Variants in PHAF1 observed in about 807,000 individuals in gnomAD.
PHAF1 encodes phagosome assembly factor 1.
A neutral mutation model predicts 63.1 loss-of-function variants in PHAF1; 23 were observed. That is an observed-to-expected ratio of 0.36 (90% confidence interval 0.26 to 0.52). PHAF1 has a LOEUF of 0.52. Ranked by LOEUF, PHAF1 falls within the 20% of genes least tolerant of loss-of-function variation. The pLI is 0.93. For missense variants in PHAF1, 427 were observed against 517.2 expected (o/e 0.83, Z 1.69); for synonymous variants, 167 against 185.0 (o/e 0.90, Z 0.79).
At chr16:67,132,729 C>A in intron 5 of PHAF1, 88 bp from the exon 6 acceptor site, 2 of 1,272,838 alleles carry the variant, frequency 1.6e-6, no homozygotes, top group Non-Finnish European at 2.3e-6. Context: ...AAGGTGTTGT[C>A]AGTCATTACT....
chr16:67,141,728 C>T (rs536956777), intron 10 of PHAF1, among the ~76,000 whole-genome samples: 5 of 152,338 alleles, frequency 3.3e-5, no homozygotes, highest in South Asian at 2.1e-4. Context: ...GTACCGCAAG[C>T]GGCTTCCATT....
chr16:67,128,040 GTA>G (rs1376384918), intron 3 of PHAF1, among the ~76,000 whole-genome samples: 30 of 152,268 alleles, frequency 2.0e-4, no homozygotes. Context: ...TGAGTGCTTA[GTA>G]TATGCTAGGC....
chr16:67,132,688 T>G, intron 5 of PHAF1, 129 bp from the exon 6 acceptor site: 1 of 1,185,026 alleles, frequency 8.4e-7, no homozygotes, highest in Non-Finnish European at 1.3e-6. Flanking sequence ...GTTTTCAACC[T>G]AGTAGGCCAG....
intron 10 of PHAF1, 50 bp downstream of exon 10, chr16:67,140,644 G>A: frequency 7.5e-7 from 1 of 1,342,208 alleles, no homozygotes; most frequent in Admixed American, 1.7e-5. Flanking sequence ...GGGGTGGGCA[G>A]TGCATCTTTG....
At chr16:67,142,826 C>G (rs142966036) in intron 10 of PHAF1, among the ~76,000 whole-genome samples, 1 of 152,216 alleles carries the variant, frequency 6.6e-6, no homozygotes, top group Admixed American at 6.5e-5. Context: ...TTCCCATAGG[C>G]TCTGCATAGT....
intron 2 of PHAF1, among the ~76,000 whole-genome samples, chr16:67,122,570 CAAAAAAAAAAAA>C (rs912852837): frequency 3.6e-5 from 3 of 84,296 alleles, no homozygotes; most frequent in South Asian, 7.9e-4. Flanking sequence ...GACCCTGTCT[CAAAAAAAAAAAA>C]AAAAAAAATG....
chr16:67,134,114 C>A, intron 6 of PHAF1, 54 bp from the exon 7 acceptor site: 1 of 1,444,230 alleles, frequency 6.9e-7, no homozygotes. Context: ...AGACCAGAGC[C>A]TGAGTCCCAT....
chr16:67,134,396 A>C lies in PHAF1; in HGVS notation c.590A>C (p.Tyr197Ser). ...CTGAGCTGTTTCCTGGGCAATGTCT[A>C]TGCTGAGAGTGTAGATGTTCTTCGA... ...MPLSCFLGNV[Y>S]AESVDVLRDG... The change falls in exon 8 of 16, where the codon TAT (tyrosine) becomes TCT (serine). Residue 197 changes from tyrosine to serine, a missense_variant. Tyr to Ser is a moderately radical substitution (Grantham distance 144). Coordinates refer to ENST00000219139, the MANE Select transcript of PHAF1 (RefSeq NM_025187.5). 1.2e-6 allele frequency: 2 copies of C among 1,614,136 alleles called. No homozygotes were observed. The highest frequency in any genetic ancestry group is 1.7e-6 in the Non-Finnish European group (2 of 1,180,014).
chr16:67,131,366 G>T (rs753110618), intron 4 of PHAF1, 37 bp downstream of exon 4: 1 of 1,414,948 alleles, frequency 7.1e-7, no homozygotes, highest in South Asian at 1.2e-5. Flanking sequence ...GTCACACTTG[G>T]TATAGACAGG....
chr16:67,146,151 AACAG>A (rs1423720159), intron 14 of PHAF1, 123 bp from the exon 15 acceptor site: 11 of 873,916 alleles, frequency 1.3e-5, no homozygotes, highest in East Asian at 2.4e-5. Context: ...CTGTGTGGGA[AACAG>A]ACAGACACTC....
At chr16:67,133,250 G>T (rs1041975789) in intron 6 of PHAF1, among the ~76,000 whole-genome samples, 34 of 152,128 alleles carry the variant, frequency 2.2e-4, no homozygotes, top group African/African-American at 8.2e-4. Context: ...TGGATTTTCA[G>T]TTACCTTTGT....
At chr16:67,142,095 C>T (rs1045859462) in intron 10 of PHAF1, among the ~76,000 whole-genome samples, 1 of 152,188 alleles carries the variant, frequency 6.6e-6, no homozygotes, top group African/African-American at 2.4e-5. Context: ...GTGGGTAGCT[C>T]TTTCTGCAGG....
chr16:67,117,454 G>A (rs1962784236), intron 1 of PHAF1, among the ~76,000 whole-genome samples: 1 of 151,506 alleles, frequency 6.6e-6, no homozygotes, highest in Admixed American at 6.6e-5. Flanking sequence ...GCTTATAATG[G>A]GCCATGAGTT....
intron 8 of PHAF1, among the ~76,000 whole-genome samples, chr16:67,137,323 G>T (rs1050273970): frequency 4.6e-5 from 7 of 152,042 alleles, no homozygotes; most frequent in Admixed American, 2.6e-4. Context: ...GGGGTTTTTT[G>T]TTGTTGTTGT....
intron 1 of PHAF1, among the ~76,000 whole-genome samples, chr16:67,115,197 G>A (rs1962689791): frequency 6.6e-6 from 1 of 152,230 alleles, no homozygotes; most frequent in South Asian, 2.1e-4. Flanking sequence ...CTACAGCTGT[G>A]CCAGGCACAG....
intron 8 of PHAF1, among the ~76,000 whole-genome samples, chr16:67,136,745 GCTAATT>G (rs1963625137): frequency 6.6e-6 from 1 of 151,812 alleles, no homozygotes; most frequent in African/African-American, 2.4e-5. Flanking sequence ...ACCACACCCA[GCTAATT>G]CTATTTTTTT....
At chr16:67,126,810 G>C (rs924611242) in intron 3 of PHAF1, among the ~76,000 whole-genome samples, 1 of 150,820 alleles carries the variant, frequency 6.6e-6, no homozygotes, top group Non-Finnish European at 1.5e-5. Context: ...GGCTGTTTTC[G>C]AACTCCTGAC....
Position 67,134,189 on chromosome 16 carries a change from G to T in PHAF1, c.472G>T (p.Ala158Ser), listed in dbSNP as rs1963524387. The T allele has an allele frequency of 6.2e-7, 1 of 1,614,026 alleles. No individual in the cohort carries two copies. Among genetic ancestry groups the T allele is most frequent in the Non-Finnish European group, 8.5e-7 (1 of 1,179,976 alleles). The change falls in exon 7 of 16, where the codon GCT becomes TCT. Residue 158 changes from alanine to serine, a missense_variant. Transcript: ENST00000219139. ...GCAGCCCAATTTTGCCCATGGCCTG[G>T]CTTCTCTCCAGATACCCCATGGAGC... ...KYEPNFAHGL[A>S]SLQIPHGATV...
intron 1 of PHAF1, among the ~76,000 whole-genome samples, chr16:67,117,582 C>T (rs1962789532): frequency 6.6e-6 from 1 of 151,284 alleles, no homozygotes; most frequent in African/African-American, 2.4e-5. Context: ...CGAGACCATC[C>T]TGGCTTACAT....
Sources: allele counts gnomAD v4.1 joint callset (sites outside exome capture counted in the v4.1 genomes callset), GRCh38; gene constraint gnomAD v4.1.1; transcripts MANE v1.5; gene names NCBI Gene and HGNC (gene_info 2026-07-23, HGNC 2026-07-21).